Variants in SSH2 observed in about 807,000 individuals in gnomAD.
SSH2 encodes the protein slingshot protein phosphatase 2, also known as protein phosphatase Slingshot homolog 2.
A neutral mutation model predicts 135.2 loss-of-function variants in SSH2; 37 were observed. The observed-to-expected ratio is 0.27, with a 90% CI of 0.21 to 0.36. SSH2 has a LOEUF of 0.36. SSH2 is among the 10% of genes least tolerant of loss of function. The pLI is 1.00. For missense variants in SSH2, 1,408 were observed against 1,765.3 expected (o/e 0.80, Z 3.63); for synonymous variants, 628 against 646.2 (o/e 0.97, Z 0.43).
chr17:29,638,561 C>G (rs868125228), intron 14 of SSH2, among the ~76,000 whole-genome samples: 1,651 of 133,048 alleles, frequency 0.012, 21 homozygotes, highest in African/African-American at 0.041. Context: ...CACACACACA[C>G]AGAGACAGGG....
intron 15 of SSH2, among the ~76,000 whole-genome samples, chr17:29,634,911 A>G (rs891008711): frequency 1.3e-5 from 2 of 151,358 alleles, no homozygotes; most frequent in Non-Finnish European, 2.9e-5. Context: ...CATTATTATT[A>G]TGATATTGTT....
At chr17:29,879,348 C>A (rs559679544) in intron 1 of SSH2, among the ~76,000 whole-genome samples, 5 of 149,304 alleles carry the variant, frequency 3.3e-5, no homozygotes, top group South Asian at 2.2e-4. Flanking sequence ...GCTGTTTCCA[C>A]TTCTCAGGAA....
At chr17:29,878,982 T>C (rs2066086587) in intron 1 of SSH2, among the ~76,000 whole-genome samples, 1 of 152,208 alleles carries the variant, frequency 6.6e-6, no homozygotes, top group Non-Finnish European at 1.5e-5. Context: ...CAGCATTGTG[T>C]TATTTGTCAT....
chr17:29,757,018 CT>C (rs1008203794), intron 3 of SSH2, among the ~76,000 whole-genome samples: 1 of 152,162 alleles, frequency 6.6e-6, no homozygotes, highest in African/African-American at 2.4e-5. Flanking sequence ...GCAAAAAGCT[CT>C]TTTGAGAGGG....
chr17:29,783,611 T>C (rs559639366), intron 3 of SSH2, among the ~76,000 whole-genome samples: 108 of 152,186 alleles, frequency 7.1e-4, no homozygotes, highest in African/African-American at 2.5e-3. Context: ...TGCATCTGCC[T>C]TCCCCAGGTA....
chr17:29,791,213 G>A (rs2042059608), intron 3 of SSH2, among the ~76,000 whole-genome samples: 1 of 151,990 alleles, frequency 6.6e-6, no homozygotes, highest in Non-Finnish European at 1.5e-5. Context: ...AGACACCTGA[G>A]TAGCTGGACT....
intron 3 of SSH2, among the ~76,000 whole-genome samples, chr17:29,703,598 T>C (rs2039077170): frequency 7.0e-6 from 1 of 142,320 alleles, no homozygotes; most frequent in Non-Finnish European, 1.5e-5. Flanking sequence ...TTTTTTGAGA[T>C]GGAGTCTCAC....
chr17:29,683,669 G>A (rs1055977563), intron 6 of SSH2, among the ~76,000 whole-genome samples: 3 of 151,550 alleles, frequency 2.0e-5, no homozygotes, highest in Admixed American at 1.3e-4. Flanking sequence ...GCTCATGCCT[G>A]TAATCCCAGC....
intron 1 of SSH2, among the ~76,000 whole-genome samples, chr17:29,913,354 A>AAT (rs1567650071): frequency 9.7e-5 from 5 of 51,294 alleles, no homozygotes; most frequent in African/African-American, 2.8e-4. Context: ...AAAAATATAT[A>AAT]TATATATATA....
intron 3 of SSH2, among the ~76,000 whole-genome samples, chr17:29,759,604 A>G (rs1348012842): frequency 1.3e-5 from 2 of 152,154 alleles, no homozygotes; most frequent in African/African-American, 4.8e-5. Flanking sequence ...AGCAACTACC[A>G]TTCTACTTTA....
chr17:29,838,896 C>A (rs955837279), intron 2 of SSH2: 2 of 183,652 alleles, frequency 1.1e-5, no homozygotes, highest in African/African-American at 2.4e-5. Flanking sequence ...AGCTGTAACA[C>A]AAACAGGGCT....
chr17:29,793,351 T>C (rs1454967632), intron 3 of SSH2, among the ~76,000 whole-genome samples: 1 of 152,196 alleles, frequency 6.6e-6, no homozygotes, highest in Non-Finnish European at 1.5e-5. Flanking sequence ...GTATACCCTT[T>C]GTATAGAAAC....
intron 2 of SSH2, among the ~76,000 whole-genome samples, chr17:29,837,132 CT>C (rs1323456469): frequency 1.6e-4 from 24 of 152,072 alleles, no homozygotes; most frequent in African/African-American, 5.3e-4. Context: ...TGGCAAGCAC[CT>C]GTAGTCCCAG....
intron 4 of SSH2, among the ~76,000 whole-genome samples, chr17:29,696,277 C>T (rs183988640): frequency 7.4e-4 from 109 of 147,658 alleles, no homozygotes; most frequent in Middle Eastern, 3.6e-3. Context: ...TACACACACA[C>T]GTATATATAT....
At chr17:29,878,698 A>C (rs1467849268) in intron 1 of SSH2, among the ~76,000 whole-genome samples, 1 of 152,214 alleles carries the variant, frequency 6.6e-6, no homozygotes, top group Non-Finnish European at 1.5e-5. Context: ...TCCATATTAA[A>C]TAATGAGTTA....
At chr17:29,645,794 A>C (rs943232459) in intron 14 of SSH2, 4 of 152,232 alleles carry the variant, frequency 2.6e-5, no homozygotes, top group Non-Finnish European at 5.9e-5. Context: ...CAGCCTCCTA[A>C]GAGAATGGTT....
intron 1 of SSH2, among the ~76,000 whole-genome samples, chr17:29,882,840 T>G (rs1372527876): frequency 6.6e-6 from 1 of 152,200 alleles, no homozygotes; most frequent in Non-Finnish European, 1.5e-5. Context: ...TTTAAAAATT[T>G]TTCTGTAGAG....
chr17:29,899,885 T>G (rs2066514908), intron 1 of SSH2, among the ~76,000 whole-genome samples: 1 of 152,130 alleles, frequency 6.6e-6, no homozygotes, highest in South Asian at 2.1e-4. Flanking sequence ...CAAACTATGC[T>G]ACAAGGCTAC....
chr17:29,816,235 TAA>T (rs1162849882), intron 2 of SSH2, among the ~76,000 whole-genome samples: 1 of 152,226 alleles, frequency 6.6e-6, no homozygotes, highest in Non-Finnish European at 1.5e-5. Flanking sequence ...AGAACGAATA[TAA>T]AGTTTATTCT....
Sources: allele counts gnomAD v4.1 joint callset (sites outside exome capture counted in the v4.1 genomes callset), GRCh38; gene constraint gnomAD v4.1.1; transcripts MANE v1.5; gene names NCBI Gene and HGNC (gene_info 2026-07-23, HGNC 2026-07-21).